FKBP11: variants seen among roughly 807,000 people sequenced by gnomAD.
FKBP11 encodes peptidyl-prolyl cis-trans isomerase FKBP11.
In FKBP11, 21 loss-of-function variants were observed where a neutral mutation model predicts 24.7. The ratio of observed to expected loss-of-function variants is 0.85; its 90% CI spans 0.60 to 1.23. The LOEUF is 1.23. FKBP11 is among the 50% of genes most tolerant of loss of function. FKBP11 has a pLI of 0.00. For missense variants in FKBP11, 245 were observed against 248.7 expected (o/e 0.99, Z 0.10); for synonymous variants, 106 against 100.6 (o/e 1.05, Z -0.32).
At position 48,925,311 on chromosome 12, in the gene FKBP11, C is replaced by G. The variant is rs529271511; in HGVS notation, c.118G>C (p.Val40Leu). 1.9e-6 allele frequency: 3 copies of G among 1,612,022 alleles called. No homozygotes were observed. Among genetic ancestry groups the G allele is most frequent in the Non-Finnish European group, 1.7e-6 (2 of 1,179,546 alleles). Residue 40 changes from valine to leucine, a missense_variant, in exon 1 of 6, where the codon GTG (valine) becomes CTG (leucine). By Grantham distance (32) the Val-to-Leu change is conservative. Transcript: ENST00000550765. Reference protein sequence around the residue: ...ETESPVRTLQVETLVEPPEPC... With the variant: ...ETESPVRTLQLETLVEPPEPC... ...GACTATCTCCTCACCAGGGTCTCCA[C>G]TTGGAGGGTCCGGACGGGACTTTCG...
At chr12:48,924,866 A>G (rs1939922737) in intron 2 of FKBP11, 180 bp downstream of exon 2, 1 of 1,443,284 alleles carries the variant, frequency 6.9e-7, no homozygotes, top group African/African-American at 1.4e-5. Context: ...CTGGCAGAAA[A>G]GCAAGGAGGG....
At chr12:48,929,387 G>A (rs771100927), upstream of FKBP11, among the ~76,000 whole-genome samples, 28 of 152,068 alleles carry the variant, frequency 1.8e-4, no homozygotes, top group Non-Finnish European at 3.8e-4. Flanking sequence ...GGTCAAGGCT[G>A]CAGTAAGCCA....
At chr12:48,931,735 T>A in the FKBP11 span, 1 of 463,682 alleles carries the variant, frequency 2.2e-6, no homozygotes, top group East Asian at 3.7e-5. Context: ...CAAGGTTGCA[T>A]GACTATTATG....
chr12:48,929,258 G>A (rs952224421), upstream of FKBP11, among the ~76,000 whole-genome samples: 1 of 152,114 alleles, frequency 6.6e-6, no homozygotes, highest in East Asian at 1.9e-4. Flanking sequence ...GACCAGCCTG[G>A]GCAACATGGC....
chr12:48,931,820 A>G, the FKBP11 span: 1 of 215,014 alleles, frequency 4.7e-6, no homozygotes, highest in African/African-American at 2.3e-5. Flanking sequence ...TAATAAAGTA[A>G]AAGCCTGAGT....
upstream of FKBP11, chr12:48,925,526 G>A (rs1228268567): frequency 2.1e-6 from 3 of 1,401,290 alleles, no homozygotes; most frequent in East Asian, 7.5e-5. Context: ...AGACTGGACG[G>A]GACGGGGCGG....
At position 48,924,595 on chromosome 12, in the gene FKBP11, C is replaced by T; in HGVS notation, c.249G>A (p.Leu83=). The change falls in exon 3 of 6, where the codon CTG becomes CTA. Residue 83 remains leucine, a synonymous_variant. Transcript: ENST00000550765. ...CCTGCTTTTGGCCAAGTTCTATAAC[C>T]AGAGGGTCTCTGGTCAGGGAGGTGT... ...IIDTSLTRDP[L]VIELGQKQVI... 1 of 1,614,070 alleles carries T rather than the reference C, an allele frequency of 6.2e-7. No individual in the cohort carries two copies.
upstream of FKBP11, among the ~76,000 whole-genome samples, chr12:48,931,011 C>A (rs1376602436): frequency 6.6e-6 from 1 of 151,668 alleles, no homozygotes; most frequent in Non-Finnish European, 1.5e-5. Flanking sequence ...TACCTGTAGT[C>A]CCAGCTACTC....
At chr12:48,931,637 G>A in the FKBP11 span, 1 of 620,202 alleles carries the variant, frequency 1.6e-6, no homozygotes. Flanking sequence ...CCCTACCACA[G>A]TACCTGGGCT....
intron 5 of FKBP11, chr12:48,923,091 T>C: frequency 1.0e-6 from 1 of 968,758 alleles, no homozygotes; most frequent in Non-Finnish European, 1.3e-6. Flanking sequence ...GAGGTTGTGG[T>C]GAGTGAAGAT....
chr12:48,923,537 C>T (rs764133567), intron 5 of FKBP11: 1 of 1,551,504 alleles, frequency 6.4e-7, no homozygotes, highest in South Asian at 1.2e-5. Context: ...CCAAGCAGGT[C>T]TCTTCCCTAA....
intron 5 of FKBP11, 34 bp downstream of exon 5, chr12:48,923,748 T>C (rs762909723): frequency 6.2e-7 from 1 of 1,607,576 alleles, no homozygotes; most frequent in Admixed American, 1.7e-5. Context: ...ACTGGGTATT[T>C]TGATGGCCTG....
intron 5 of FKBP11, chr12:48,922,669 A>G: frequency 1.0e-6 from 1 of 993,132 alleles, no homozygotes. Context: ...ATAAGAGCTG[A>G]AGAGGAAGAA....
chr12:48,923,619 A>C lies in FKBP11; in HGVS notation c.388+163T>G, dbSNP rs748522147. On this transcript the variant is annotated intron_variant, in intron 5 of 5. Transcript: ENST00000550765. ...GTCTTTAGTCCCTGTTGGTGATATGAGGAGGAAAAAGGTGGCCCTGTAGAT... is the reference window on the plus strand; with the variant it reads ...GTCTTTAGTCCCTGTTGGTGATATGCGGAGGAAAAAGGTGGCCCTGTAGAT... The C allele has an allele frequency of 9.0e-6, 14 of 1,556,336 alleles. No homozygotes were observed. In the African/African-American group the frequency reaches 1.5e-4, roughly 17 times the overall value.
At chr12:48,923,444 A>G in intron 5 of FKBP11, 1 of 1,540,228 alleles carries the variant, frequency 6.5e-7, no homozygotes, top group Non-Finnish European at 8.8e-7. Flanking sequence ...TACAGCTGAC[A>G]CAGCGTAGAG....
the FKBP11 span, among the ~76,000 whole-genome samples, chr12:48,932,243 ATATATATATATATATATATTTTTTT>A: frequency 5.3e-5 from 2 of 37,440 alleles, no homozygotes; most frequent in African/African-American, 2.4e-4. Context: ...ATATATATAT[ATATATATATATATATATATTTTTTT>A]TTTTTTTTTT....
chr12:48,925,057 T>C lies in FKBP11; in HGVS notation c.184A>G (p.Ile62Val), dbSNP rs1210394247. 5 of 1,612,138 alleles carry C rather than the reference T, an allele frequency of 3.1e-6. No individual in the cohort carries two copies. The Admixed American group carries it at 6.7e-5, about 22-fold the overall frequency. ...EPAAFGDTLH[I>V]HYTGSLVDGR... ...CCCAGACCCCTCACCGTGTAGTGTA[T>C]GTGAAGCGTGTCTCCAAAAGCAGCG... The change falls in exon 2 of 6, where the codon ATA (isoleucine) becomes GTA (valine). Residue 62 changes from isoleucine (I) to valine (V), a missense_variant. By Grantham distance (29) the Ile-to-Val change is conservative (BLOSUM62 3). Coordinates refer to ENST00000550765, the MANE Select transcript of FKBP11 (RefSeq NM_016594.3).
At chr12:48,924,470 AG>A (rs996325286) in intron 3 of FKBP11, 90 bp downstream of exon 3, 2 of 1,302,302 alleles carry the variant, frequency 1.5e-6, no homozygotes, top group Non-Finnish European at 2.2e-6. Context: ...TACTCATTTC[AG>A]GGGGGATTTC....
chr12:48,929,164 A>G (rs1940018477), upstream of FKBP11, among the ~76,000 whole-genome samples: 1 of 151,670 alleles, frequency 6.6e-6, no homozygotes, highest in Non-Finnish European at 1.5e-5. Context: ...GAAAAAAAAA[A>G]GTCTTGGTGT....
Sources: gnomAD v4.1 joint callset for allele counts (sites outside exome capture counted in the v4.1 genomes callset) on GRCh38, gnomAD v4.1.1 for gene constraint, MANE v1.5 for transcripts, NCBI Gene and HGNC (gene_info 2026-07-23, HGNC 2026-07-21) for gene names.